WDR59: variants seen among roughly 807,000 people sequenced by gnomAD.
The protein encoded by WDR59 is WD repeat domain 59.
In WDR59, 100 loss-of-function variants were observed where a neutral mutation model predicts 131.2. The ratio of observed to expected loss-of-function variants is 0.76; its 90% confidence interval spans 0.65 to 0.90. WDR59 has a LOEUF of 0.90. Ranked by LOEUF, WDR59 falls within the 40% of genes least tolerant of loss-of-function variation. The pLI is 0.00. For missense variants in WDR59, 1,203 were observed against 1,262.2 expected (o/e 0.95, Z 0.71); for synonymous variants, 601 against 466.2 (o/e 1.29, Z -3.72).
chr16:74,972,094 G>A (rs978790891), intron 1 of WDR59, among the ~76,000 whole-genome samples: 8 of 152,144 alleles, frequency 5.3e-5, no homozygotes, highest in Admixed American at 2.0e-4. Flanking sequence ...ATCAAAACAG[G>A]TATCTTTAAA....
At chr16:74,887,624 T>A in intron 23 of WDR59, 59 bp downstream of exon 23, 2 of 1,503,636 alleles carry the variant, frequency 1.3e-6, no homozygotes, top group Non-Finnish European at 9.2e-7. Context: ...AAAGGTTACA[T>A]ATGCACAGCT....
intron 1 of WDR59, among the ~76,000 whole-genome samples, chr16:74,976,631 CA>C (rs1400239267): frequency 1.2e-4 from 19 of 152,104 alleles, no homozygotes; most frequent in Non-Finnish European, 2.2e-4. Flanking sequence ...TTAGTAGAGA[CA>C]GGGTTTCACT....
chr16:74,975,100 C>A (rs1006532374), intron 1 of WDR59, among the ~76,000 whole-genome samples: 1 of 152,228 alleles, frequency 6.6e-6, no homozygotes, highest in African/African-American at 2.4e-5. Context: ...GAGGCTCACA[C>A]CTGTAATCCC....
In WDR59 at chr16:74,912,261, G is replaced by T. The variant is rs1389996886; in HGVS notation, c.1326C>A (p.Ala442=). The change falls in exon 14 of 26, where the codon GCC becomes GCA. Residue 442 remains alanine, a synonymous_variant. Coordinates refer to ENST00000262144, the MANE Select transcript of WDR59 (RefSeq NM_030581.4). ...TGGGGTTAATAAACTGGAAGGAAGG[G>T]GCGGCGTTGTTTGGGTACTGTGCAG... ...KFPAQYPNNA[A]PSFQFINPTT... The T allele has an allele frequency of 2.5e-6, 4 of 1,614,172 alleles. No homozygotes were observed. Among genetic ancestry groups the T allele is most frequent in the African/African-American group, 2.7e-5 (2 of 75,038 alleles).
intron 1 of WDR59, among the ~76,000 whole-genome samples, chr16:74,978,447 T>C (rs2034273833): frequency 6.6e-6 from 1 of 151,768 alleles, no homozygotes; most frequent in African/African-American, 2.4e-5. Context: ...GCAAGGACTG[T>C]GCAACTGCAC....
chr16:74,911,020 C>T (rs1332400319), intron 14 of WDR59, among the ~76,000 whole-genome samples: 6 of 152,146 alleles, frequency 3.9e-5, no homozygotes, highest in East Asian at 3.9e-4. Context: ...TGCGCCACCA[C>T]GCCTGGCTAC....
chr16:74,892,697 T>C (rs1965103624), intron 19 of WDR59, 132 bp from the exon 20 acceptor site: 4 of 706,254 alleles, frequency 5.7e-6, no homozygotes, highest in Non-Finnish European at 9.2e-6. Context: ...CGCGTTGGCC[T>C]TGGGCCCCCT....
intron 2 of WDR59, among the ~76,000 whole-genome samples, chr16:74,958,471 T>C (rs1366216371): frequency 1.3e-5 from 2 of 150,814 alleles, no homozygotes; most frequent in Non-Finnish European, 1.5e-5. Context: ...CAGGCACCTG[T>C]AATCCCAGCC....
intron 2 of WDR59, among the ~76,000 whole-genome samples, chr16:74,961,881 T>C (rs567774313): frequency 1.3e-5 from 2 of 152,312 alleles, no homozygotes; most frequent in Admixed American, 1.3e-4. Flanking sequence ...ATGTCCTGAA[T>C]GGTACTGCCT....
intron 1 of WDR59, among the ~76,000 whole-genome samples, chr16:74,970,231 T>C (rs1168895769): frequency 6.6e-6 from 1 of 152,158 alleles, no homozygotes; most frequent in Non-Finnish European, 1.5e-5. Context: ...GTGTTCTCTA[T>C]TCTGTTCCAT....
In WDR59 at chr16:74,887,018, A is replaced by G. The variant is rs9937402; in HGVS notation, c.2420-622T>C. Among the ~76,000 whole-genome samples the G allele has an allele frequency of 8.3e-3, 1,270 of 152,324 alleles. 14 individuals carry two copies. Among genetic ancestry groups the G allele is most frequent in the African/African-American group, 0.029 (1,191 of 41,562 alleles). The stretch of plus-strand genomic sequence containing the variant: ...TATTTACGAGGACTTTTTGAACAAT[A>G]TTTGCTCATGATATAATGAAAAATA... On this transcript the variant is annotated intron_variant, in intron 23 of 25. Coordinates refer to ENST00000262144, the MANE Select transcript of WDR59 (RefSeq NM_030581.4).
At chr16:74,933,183 C>A (rs949356265) in intron 8 of WDR59, among the ~76,000 whole-genome samples, 1 of 152,144 alleles carries the variant, frequency 6.6e-6, no homozygotes, top group African/African-American at 2.4e-5. Flanking sequence ...CACCTGTAGT[C>A]CTAGCAACTT....
chr16:74,877,710 A>G (rs1012791438), intron 25 of WDR59, among the ~76,000 whole-genome samples: 3 of 151,960 alleles, frequency 2.0e-5, no homozygotes, highest in Admixed American at 6.6e-5. Flanking sequence ...ATGCCCGGCT[A>G]ATTTCTGTAT....
intron 8 of WDR59, among the ~76,000 whole-genome samples, chr16:74,927,811 A>G (rs981272691): frequency 1.3e-5 from 2 of 151,470 alleles, no homozygotes; most frequent in Non-Finnish European, 2.9e-5. Context: ...GATCGTTTCC[A>G]TGTCACATGA....
intron 10 of WDR59, among the ~76,000 whole-genome samples, chr16:74,919,326 T>C (rs1344570418): frequency 1.3e-5 from 2 of 151,662 alleles, no homozygotes; most frequent in African/African-American, 4.9e-5. Context: ...GAACACCTTT[T>C]TTTTTTTAAT....
chr16:74,968,447 G>A (rs1040591954), intron 1 of WDR59, among the ~76,000 whole-genome samples: 1 of 152,176 alleles, frequency 6.6e-6, no homozygotes, highest in African/African-American at 2.4e-5. Context: ...TGGACCGGGT[G>A]CAGTAGCTCA....
rs1396973546 is a variant in WDR59 at position 74,951,493 on chromosome 16, A to G, written c.291T>C (p.Val97=). ...GAGTGTGGCCTTGTAAGGTTGTGCC[A>G]ACTTCCCCACTGCCGTCTTTCCACT... ...LYKWKDGSGE[V]GTTLQGHTRV... Residue 97 remains valine (V), a synonymous_variant, in exon 4 of 26, where the codon GTT becomes GTC. Transcript: ENST00000262144. 1 of 1,603,436 alleles carries G rather than the reference A, an allele frequency of 6.2e-7. No individual in the cohort carries two copies. The highest frequency in any genetic ancestry group is 8.5e-7 in the Non-Finnish European group (1 of 1,175,584).
At chr16:74,950,441 C>T (rs185641162) in intron 4 of WDR59, among the ~76,000 whole-genome samples, 84 of 152,350 alleles carry the variant, frequency 5.5e-4, no homozygotes, top group African/African-American at 1.9e-3. Flanking sequence ...CCACCAGAGG[C>T]ACCTTGGGTA....
intron 1 of WDR59, among the ~76,000 whole-genome samples, chr16:74,974,621 G>A (rs911054724): frequency 6.6e-6 from 1 of 152,162 alleles, no homozygotes; most frequent in Admixed American, 6.6e-5. Flanking sequence ...TCCTTAACTA[G>A]TAAGAGAGCC....
Sources: allele counts gnomAD v4.1 joint callset (sites outside exome capture counted in the v4.1 genomes callset), GRCh38; gene constraint gnomAD v4.1.1; transcripts MANE v1.5; gene names NCBI Gene and HGNC (gene_info 2026-07-23, HGNC 2026-07-21).